ANO3: variants seen among roughly 807,000 people sequenced by gnomAD.
The protein encoded by ANO3 is anoctamin-3.
In ANO3, 99 loss-of-function variants were observed where a neutral mutation model predicts 144.8. The observed-to-expected ratio is 0.68, with a 90% CI of 0.58 to 0.81. The LOEUF (loss-of-function observed/expected upper bound fraction) is 0.81. ANO3 is among the 30% of genes least tolerant of loss of function. The probability of loss-of-function intolerance (pLI) is 0.00; values close to 1 mark genes in which losing one functional copy is unlikely to be tolerated. For missense variants in ANO3, 905 were observed against 1,202.2 expected (o/e 0.75, Z 3.66); for synonymous variants, 414 against 392.6 (o/e 1.05, Z -0.64).
intron 1 of ANO3, among the ~76,000 whole-genome samples, chr11:26,313,347 G>A (rs1854544893): frequency 6.6e-6 from 1 of 152,086 alleles, no homozygotes; most frequent in Admixed American, 6.6e-5. Context: ...ATTAAATTAG[G>A]TGCAGTAACG....
At chr11:26,543,180 A>G (rs971153669) in intron 11 of ANO3, among the ~76,000 whole-genome samples, 1 of 152,070 alleles carries the variant, frequency 6.6e-6, no homozygotes, top group Non-Finnish European at 1.5e-5. Context: ...CATCTGAAAC[A>G]AGCTATGACC....
chr11:26,555,943 C>T (rs1432952440), intron 13 of ANO3, among the ~76,000 whole-genome samples: 1 of 151,874 alleles, frequency 6.6e-6, no homozygotes. Context: ...TCCATTACTG[C>T]TTGTGACAAA....
chr11:26,258,290 T>C (rs1410040584), intron 1 of ANO3, among the ~76,000 whole-genome samples: 1 of 152,160 alleles, frequency 6.6e-6, no homozygotes, highest in Non-Finnish European at 1.5e-5. Context: ...CAATTAACAG[T>C]CTTATTGAAC....
At chr11:26,368,690 GTA>G (rs1349121168) in intron 1 of ANO3, among the ~76,000 whole-genome samples, 1 of 151,996 alleles carries the variant, frequency 6.6e-6, no homozygotes, top group Admixed American at 6.6e-5. Context: ...GTGCGTGTGT[GTA>G]TGCATGCATT....
At chr11:26,235,771 T>G (rs1445205527) in intron 1 of ANO3, among the ~76,000 whole-genome samples, 2 of 151,034 alleles carry the variant, frequency 1.3e-5, no homozygotes, top group Non-Finnish European at 3.0e-5. Context: ...TTTTGTGTCG[T>G]CCCCCCACAA....
intron 13 of ANO3, among the ~76,000 whole-genome samples, chr11:26,558,481 A>C (rs1049278894): frequency 6.6e-6 from 1 of 152,120 alleles, no homozygotes. Flanking sequence ...GCTCTGTGGG[A>C]GAATTTCTTT....
intron 1 of ANO3, among the ~76,000 whole-genome samples, chr11:26,433,613 G>T (rs906970113): frequency 1.3e-5 from 2 of 152,136 alleles, no homozygotes; most frequent in African/African-American, 4.8e-5. Context: ...AAGGAATATT[G>T]AATTTTATTG....
intron 4 of ANO3, among the ~76,000 whole-genome samples, chr11:26,494,216 A>G (rs992631616): frequency 2.7e-5 from 4 of 150,868 alleles, no homozygotes; most frequent in Non-Finnish European, 5.9e-5. Context: ...ATAAATATAT[A>G]TTCATATATA....
At position 26,542,019 on chromosome 11, in the gene ANO3, T is replaced by C; in HGVS notation, c.1105T>C (p.Trp369Arg). 5 of 1,612,924 alleles carry C rather than the reference T, an allele frequency of 3.1e-6. No homozygotes were observed. The highest frequency in any genetic ancestry group is 4.2e-6 in the Non-Finnish European group (5 of 1,179,246). Residue 369 changes from tryptophan (W) to arginine (R), a missense_variant, in exon 11 of 27, where the codon TGG becomes CGG. By Grantham distance (101) the Trp-to-Arg change is moderately radical. Transcript: ENST00000256737. Reference sequence around the variant, plus strand: ...TAACAGACATCTATTATATGAGCGCTGGGCACGCTGGGGAATGTGGTATAA... The same window carrying C: ...TAACAGACATCTATTATATGAGCGCCGGGCACGCTGGGGAATGTGGTATAA... The part of the protein sequence containing the change: ...QNNRHLLYER[W>R]ARWGMWYKHQ...
intron 3 of ANO3, among the ~76,000 whole-genome samples, chr11:26,458,035 G>T (rs1859234360): frequency 6.6e-6 from 1 of 152,052 alleles, no homozygotes; most frequent in South Asian, 2.1e-4. Context: ...GTTACAATAT[G>T]GGAGAAAGTC....
intron 1 of ANO3, among the ~76,000 whole-genome samples, chr11:26,258,202 T>C (rs1381187): frequency 0.12 from 18,441 of 152,168 alleles, 1,894 homozygotes; most frequent in African/African-American, 0.28. Flanking sequence ...AATGATTTTC[T>C]TGATTAATGT....
At chr11:26,488,152 G>T (rs1341231099) in intron 4 of ANO3, among the ~76,000 whole-genome samples, 1 of 152,104 alleles carries the variant, frequency 6.6e-6, no homozygotes, top group Admixed American at 6.6e-5. Context: ...ACAACAGAGT[G>T]AGGCTCCATC....
At chr11:26,301,598 A>G (rs1854234134) in intron 1 of ANO3, among the ~76,000 whole-genome samples, 1 of 152,198 alleles carries the variant, frequency 6.6e-6, no homozygotes, top group Non-Finnish European at 1.5e-5. Flanking sequence ...CTGTCATTCT[A>G]TAAACACATT....
At chr11:26,296,925 A>G (rs1025926389) in intron 1 of ANO3, among the ~76,000 whole-genome samples, 1 of 152,108 alleles carries the variant, frequency 6.6e-6, no homozygotes, top group African/African-American at 2.4e-5. Flanking sequence ...AGAATTCCTA[A>G]TGTTATATAT....
At chr11:26,634,098 A>G in intron 18 of ANO3, 106 bp from the exon 19 acceptor site, 1 of 548,808 alleles carries the variant, frequency 1.8e-6, no homozygotes, top group Non-Finnish European at 3.1e-6. Context: ...AAAAAAAAAA[A>G]TTAAATTAAA....
chr11:26,542,711 G>T, intron 11 of ANO3, among the ~76,000 whole-genome samples: 1 of 152,044 alleles, frequency 6.6e-6, no homozygotes. Context: ...CCTTCAACTT[G>T]AACTAGTCTT....
At chr11:26,534,365 C>A (rs1849450181) in intron 8 of ANO3, 91 bp from the exon 9 acceptor site, 3 of 729,050 alleles carry the variant, frequency 4.1e-6, no homozygotes, top group South Asian at 2.2e-5. Context: ...ATTTACTATG[C>A]TTCATATGCA....
intron 1 of ANO3, among the ~76,000 whole-genome samples, chr11:26,297,859 A>G (rs1051922093): frequency 6.6e-6 from 1 of 152,190 alleles, no homozygotes; most frequent in Non-Finnish European, 1.5e-5. Flanking sequence ...AGGAAGTTAA[A>G]TAACTCGACT....
At chr11:26,487,021 G>A (rs1346740411) in intron 4 of ANO3, among the ~76,000 whole-genome samples, 1 of 152,194 alleles carries the variant, frequency 6.6e-6, no homozygotes, top group Non-Finnish European at 1.5e-5. Flanking sequence ...TAATTTGCAA[G>A]GAGCGTTTGG....
Sources: allele counts gnomAD v4.1 joint callset (sites outside exome capture counted in the v4.1 genomes callset), GRCh38; gene constraint gnomAD v4.1.1; transcripts MANE v1.5; gene names NCBI Gene and HGNC (gene_info 2026-07-23, HGNC 2026-07-21).